LRMDA: variants seen among roughly 807,000 people sequenced by gnomAD.
LRMDA encodes leucine-rich melanocyte differentiation-associated protein.
Under a neutral mutation model 29.8 loss-of-function variants are expected in LRMDA, and 18 were observed. The ratio of observed to expected loss-of-function variants is 0.60; its 90% confidence interval spans 0.42 to 0.90. The LOEUF is 0.90. Among genes scored for constraint, LRMDA ranks in the 40% least tolerant of loss-of-function variants. LRMDA has a pLI of 0.00. For synonymous variants in LRMDA, 125 were observed against 109.4 expected, an observed-to-expected ratio of 1.14 and a Z score of -0.89; for missense variants, 273 against 273.9, an observed-to-expected ratio of 1.00 and a Z score of 0.02.
chr10:76,403,406 C>A (rs903205657), intron 6 of LRMDA: 11 of 151,818 alleles, frequency 7.2e-5, no homozygotes, highest in African/African-American at 2.7e-4. Flanking sequence ...TTCATGCATG[C>A]CTGGGCCCAC....
chr10:75,799,101 A>G (rs1254246824), intron 2 of LRMDA, among the ~76,000 whole-genome samples: 3 of 152,168 alleles, frequency 2.0e-5, no homozygotes, highest in African/African-American at 7.2e-5. Context: ...ATTTTGTTTT[A>G]TTAAGAGTTT....
intron 5 of LRMDA, among the ~76,000 whole-genome samples, chr10:76,112,375 G>T (rs190442144): frequency 1.3e-5 from 2 of 152,342 alleles, no homozygotes; most frequent in Non-Finnish European, 2.9e-5. Flanking sequence ...TGGCCAGGAC[G>T]GCGGGGCCTG....
chr10:75,831,660 G>C (rs888039870), intron 2 of LRMDA, among the ~76,000 whole-genome samples: 2 of 152,132 alleles, frequency 1.3e-5, no homozygotes, highest in Non-Finnish European at 2.9e-5. Context: ...CACATTTCCT[G>C]GCCACATTGC....
intron 6 of LRMDA, among the ~76,000 whole-genome samples, chr10:76,365,069 T>TAC (rs1343341956): frequency 1.8e-3 from 95 of 53,936 alleles, no homozygotes; most frequent in Middle Eastern, 0.023. Context: ...ATCGTATATA[T>TAC]ATACACACAC....
chr10:76,539,347 A>C (rs1164991166), intron 6 of LRMDA, among the ~76,000 whole-genome samples: 1 of 152,194 alleles, frequency 6.6e-6, no homozygotes, highest in Non-Finnish European at 1.5e-5. Flanking sequence ...TGCCTAGATG[A>C]TAATAGGAGT....
intron 2 of LRMDA, chr10:75,647,739 G>C (rs1220032328): frequency 1.3e-5 from 2 of 152,174 alleles, no homozygotes; most frequent in African/African-American, 4.8e-5. Context: ...CTTATCTCAT[G>C]GAACCGAAAA....
chr10:75,829,352 G>A (rs1336199387), intron 2 of LRMDA, among the ~76,000 whole-genome samples: 2 of 152,178 alleles, frequency 1.3e-5, no homozygotes, highest in Non-Finnish European at 2.9e-5. Flanking sequence ...GATCATGGCT[G>A]CACAGTTCTC....
Position 75,959,211 on chromosome 10 carries a change from C to T in LRMDA, c.132-76797C>T, listed in dbSNP as rs114736820. Among the ~76,000 whole-genome samples, 1,190 of 152,254 alleles carry T rather than the reference C, an allele frequency of 7.8e-3. 15 individuals are homozygous for T. The highest frequency in any genetic ancestry group is 0.027 in the African/African-American group (1,118 of 41,548). The stretch of plus-strand genomic sequence containing the variant: ...GTTAGAAGGTCCTCCCGCCCCATTT[C>T]CCCAGTCTTCATGGAGGAGCTGCTT... On this transcript the variant is annotated intron_variant, in intron 2 of 6. Coordinates refer to ENST00000611255, the MANE Select transcript of LRMDA (RefSeq NM_001305581.2).
chr10:75,884,244 T>TG (rs1440114262), intron 2 of LRMDA, among the ~76,000 whole-genome samples: 5 of 125,834 alleles, frequency 4.0e-5, no homozygotes, highest in Non-Finnish European at 3.3e-5. Context: ...GGCAGGCGAC[T>TG]TTGTGTGTGT....
chr10:75,700,401 A>G (rs1352051471), intron 2 of LRMDA, among the ~76,000 whole-genome samples: 3 of 151,702 alleles, frequency 2.0e-5, no homozygotes, highest in African/African-American at 7.3e-5. Context: ...ATTAATAAAT[A>G]TAATTGCCTA....
chr10:75,461,807 G>A (rs1844589042), intron 2 of LRMDA, among the ~76,000 whole-genome samples: 2 of 152,208 alleles, frequency 1.3e-5, no homozygotes, highest in African/African-American at 2.4e-5. Flanking sequence ...TTCTGAGGCC[G>A]CTGCTGGGAC....
intron 6 of LRMDA, among the ~76,000 whole-genome samples, chr10:76,394,657 G>A (rs181329262): frequency 4.6e-5 from 7 of 152,244 alleles, no homozygotes; most frequent in African/African-American, 1.4e-4. Context: ...ATCAAGCAGT[G>A]GGGGCTGAAT....
intron 2 of LRMDA, among the ~76,000 whole-genome samples, chr10:75,586,477 C>T (rs1840657489): frequency 6.6e-6 from 1 of 150,858 alleles, no homozygotes; most frequent in African/African-American, 2.4e-5. Context: ...CCCACCTCAG[C>T]CTCCCAAGTA....
chr10:76,127,571 GTTT>G (rs34557655), intron 5 of LRMDA, among the ~76,000 whole-genome samples: 1 of 147,220 alleles, frequency 6.8e-6, no homozygotes, highest in Admixed American at 6.7e-5. Flanking sequence ...AGAGTGCAGA[GTTT>G]TTTTTTTTTT....
rs565328484 is a variant in LRMDA, at chr10:76,127,170, C to G, written c.516+68387C>G. 2.0e-5 allele frequency among the ~76,000 whole-genome samples: 3 copies of G among 152,280 alleles called. No homozygotes were observed. In the East Asian group the frequency reaches 5.8e-4, roughly 29 times the overall value. ...TGGCTTGTGCAAGTAGAAATAAGGTCATTTTTTAATTCATAGCAGAGTTGC... is the reference window on the plus strand; with the variant it reads ...TGGCTTGTGCAAGTAGAAATAAGGTGATTTTTTAATTCATAGCAGAGTTGC... On this transcript the variant is annotated intron_variant, in intron 5 of 6. Coordinates refer to ENST00000611255, the MANE Select transcript of LRMDA (RefSeq NM_001305581.2).
chr10:75,579,132 A>C (rs191502096), intron 2 of LRMDA, among the ~76,000 whole-genome samples: 5 of 152,334 alleles, frequency 3.3e-5, no homozygotes, highest in African/African-American at 9.6e-5. Context: ...TGAATCCAGG[A>C]GCTGGTTTTT....
At chr10:76,306,824 T>G (rs1431799774) in intron 5 of LRMDA, among the ~76,000 whole-genome samples, 6 of 152,240 alleles carry the variant, frequency 3.9e-5, no homozygotes, top group Non-Finnish European at 8.8e-5. Context: ...TGTGGTATTA[T>G]CTGTTTAATG....
chr10:75,964,983 C>T (rs1846832525), intron 2 of LRMDA, among the ~76,000 whole-genome samples: 1 of 152,196 alleles, frequency 6.6e-6, no homozygotes, highest in Non-Finnish European at 1.5e-5. Flanking sequence ...CGAGGCTGGT[C>T]TTGAACTCCT....
intron 2 of LRMDA, among the ~76,000 whole-genome samples, chr10:75,621,677 G>A (rs921943766): frequency 1.3e-5 from 2 of 152,166 alleles, no homozygotes; most frequent in African/African-American, 4.8e-5. Flanking sequence ...GTGTTTATAT[G>A]TCCTGGGCAC....
Sources: gnomAD v4.1 joint callset for allele counts (sites outside exome capture counted in the v4.1 genomes callset) on GRCh38, gnomAD v4.1.1 for gene constraint, MANE v1.5 for transcripts, NCBI Gene and HGNC (gene_info 2026-07-23, HGNC 2026-07-21) for gene names.